Variants in SYTL5 observed in about 807,000 individuals in gnomAD.
SYTL5 encodes synaptotagmin-like protein 5.
A neutral mutation model predicts 55.9 loss-of-function variants in SYTL5; 34 were observed. That is an observed-to-expected ratio of 0.61 (90% CI 0.46 to 0.81). The LOEUF (loss-of-function observed/expected upper bound fraction) is 0.81, where lower values mean the gene tolerates loss of function less well. SYTL5 is among the 30% of genes least tolerant of loss of function. SYTL5 has a pLI of 0.00. For synonymous variants in SYTL5, 221 were observed against 188.7 expected (o/e 1.17, Z -1.40); for missense variants, 637 against 546.7 (o/e 1.17, Z -1.65).
chrX:38,104,234 T>C (rs1029460794), intron 10 of SYTL5, among the ~76,000 whole-genome samples: 27 of 112,158 alleles, frequency 2.4e-4, no homozygotes, highest in African/African-American at 7.1e-4. Context: ...ATAGGTGTTG[T>C]TGTGTTTCCC....
intron 6 of SYTL5, among the ~76,000 whole-genome samples, chrX:38,080,399 C>A (rs761737983): frequency 2.7e-5 from 3 of 111,530 alleles, no homozygotes; most frequent in African/African-American, 9.8e-5. Context: ...GGTCTCGTAA[C>A]CAACTAGGTT....
chrX:38,046,957 C>T, intron 2 of SYTL5, among the ~76,000 whole-genome samples: 1 of 112,298 alleles, frequency 8.9e-6, no homozygotes, highest in Non-Finnish European at 1.9e-5. Context: ...CACTCCATGT[C>T]TCACATCCAG....
chrX:37,915,126 G>T, the SYTL5 span, among the ~76,000 whole-genome samples: 1 of 111,693 alleles, frequency 9.0e-6, no homozygotes, highest in South Asian at 3.8e-4. Flanking sequence ...GCACACAGGG[G>T]CTACGTTCCT....
the SYTL5 span, among the ~76,000 whole-genome samples, chrX:37,894,061 C>A: frequency 0.03 from 3,316 of 110,210 alleles, 66 homozygotes; most frequent in Non-Finnish European, 0.048. Flanking sequence ...CTCTTTTGTG[C>A]CTAGTCTTCT....
chrX:37,953,744 G>A, the SYTL5 span, among the ~76,000 whole-genome samples: 3 of 111,733 alleles, frequency 2.7e-5, no homozygotes, highest in Non-Finnish European at 5.7e-5. Context: ...CTAGAGAGTT[G>A]GGGACCCCCA....
the SYTL5 span, among the ~76,000 whole-genome samples, chrX:37,921,167 G>A: frequency 5.4e-5 from 6 of 111,415 alleles, no homozygotes; most frequent in Non-Finnish European, 9.4e-5. Context: ...ATTCCAATTT[G>A]GAGATATGGA....
chrX:37,992,957 G>GT, the SYTL5 span, among the ~76,000 whole-genome samples: 3 of 110,672 alleles, frequency 2.7e-5, no homozygotes, highest in South Asian at 1.1e-3. Flanking sequence ...AATTTCAACC[G>GT]TGAGTCAAGT....
the SYTL5 span, chrX:37,994,468 A>G: frequency 5.8e-6 from 1 of 172,382 alleles, no homozygotes; most frequent in Non-Finnish European, 9.3e-6. Flanking sequence ...CATGCCCGGC[A>G]CCTGAGCTCA....
At chrX:37,918,180 C>G in the SYTL5 span, among the ~76,000 whole-genome samples, 2 of 111,370 alleles carry the variant, frequency 1.8e-5, no homozygotes, top group East Asian at 5.6e-4. Context: ...TCTATATGTC[C>G]CTTGATTCTG....
intron 5 of SYTL5, among the ~76,000 whole-genome samples, chrX:38,074,413 T>G (rs1936338449): frequency 9.0e-6 from 1 of 111,570 alleles, no homozygotes; most frequent in South Asian, 3.8e-4. Flanking sequence ...TTTATGGTCC[T>G]TTCTGTTTTT....
the SYTL5 span, among the ~76,000 whole-genome samples, chrX:37,923,270 C>A: frequency 8.9e-6 from 1 of 112,052 alleles, no homozygotes; most frequent in East Asian, 2.8e-4. Flanking sequence ...ATAACAAAGA[C>A]ACTGTTCTAC....
chrX:38,025,696 T>C (rs1344500975), intron 1 of SYTL5, among the ~76,000 whole-genome samples: 2 of 112,447 alleles, frequency 1.8e-5, no homozygotes, highest in South Asian at 3.7e-4. Context: ...TAGTGTTTAC[T>C]AGCCCCATTT....
chrX:37,990,921 C>T, the SYTL5 span: 2 of 1,211,597 alleles, frequency 1.7e-6, no homozygotes, highest in East Asian at 3.0e-5. Flanking sequence ...GCTACAGGTC[C>T]CTAGGAGCTT....
At chrX:37,971,819 T>C in the SYTL5 span, among the ~76,000 whole-genome samples, 2 of 109,167 alleles carry the variant, frequency 1.8e-5, no homozygotes, top group Admixed American at 2.0e-4. Context: ...TTTTTTTTTT[T>C]CTTAAAGGAG....
rs748958958 is a variant in SYTL5 at position 38,049,231 on chromosome X, C to T, written c.120-4982C>T. On this transcript the variant is annotated intron_variant, in intron 2 of 16. Transcript: ENST00000297875. ...AGTACTTAGCTTGCAGGCATTACAT[C>T]AGAGGCTGAAGCAAAACCTGACAGC... Among the ~76,000 whole-genome samples the T allele has an allele frequency of 8.9e-5, 10 of 112,277 alleles. No homozygotes were observed. In the South Asian group the frequency reaches 3.7e-3, roughly 42 times the overall value.
At chrX:37,894,351 G>A in the SYTL5 span, among the ~76,000 whole-genome samples, 3 of 111,781 alleles carry the variant, frequency 2.7e-5, no homozygotes, top group African/African-American at 9.7e-5. Flanking sequence ...GTATAAATTA[G>A]CATTTGGAAA....
chrX:38,080,876 G>A (rs1165107219), intron 6 of SYTL5, among the ~76,000 whole-genome samples: 1 of 111,488 alleles, frequency 9.0e-6, no homozygotes, highest in East Asian at 2.8e-4. Context: ...TAGCAAGGTG[G>A]GAGTGTTTAA....
chrX:38,093,919 T>C (rs1480096527), intron 7 of SYTL5, among the ~76,000 whole-genome samples: 2 of 109,767 alleles, frequency 1.8e-5, no homozygotes, highest in African/African-American at 6.6e-5. Context: ...CCAAACAGAG[T>C]TCTAAGCTTG....
At chrX:37,996,163 C>T in the SYTL5 span, among the ~76,000 whole-genome samples, 15 of 111,805 alleles carry the variant, frequency 1.3e-4, no homozygotes, top group Non-Finnish European at 2.8e-4. Flanking sequence ...CACTGCTATC[C>T]CTTTAAGAAT....
Sources: allele counts gnomAD v4.1 joint callset (sites outside exome capture counted in the v4.1 genomes callset), GRCh38; gene constraint gnomAD v4.1.1; transcripts MANE v1.5; gene names NCBI Gene and HGNC (gene_info 2026-07-23, HGNC 2026-07-21).